Variants in ARHGEF9 observed in about 807,000 individuals in gnomAD.
ARHGEF9 encodes rho guanine nucleotide exchange factor 9.
In ARHGEF9, 2 loss-of-function variants were observed where a neutral mutation model predicts 41.3. That is an observed-to-expected ratio of 0.05 (90% confidence interval 0.02 to 0.15). The LOEUF (loss-of-function observed/expected upper bound fraction) is 0.15. Ranked by LOEUF, ARHGEF9 falls within the 10% of genes least tolerant of loss-of-function variation. ARHGEF9 has a pLI of 1.00. For missense variants in ARHGEF9, 225 were observed against 424.7 expected, an observed-to-expected ratio of 0.53 and a Z score of 4.13; for synonymous variants, 160 against 154.4, an observed-to-expected ratio of 1.04 and a Z score of -0.27.
chrX:63,742,613 T>C (rs1216890784), intron 1 of ARHGEF9, among the ~76,000 whole-genome samples: 1 of 111,697 alleles, frequency 9.0e-6, no homozygotes, highest in African/African-American at 3.3e-5. Context: ...TCCAAATCAT[T>C]CTTCCCCATC....
At chrX:63,710,675 A>G (rs782594904) in intron 2 of ARHGEF9, among the ~76,000 whole-genome samples, 1 of 111,359 alleles carries the variant, frequency 9.0e-6, no homozygotes, top group Non-Finnish European at 1.9e-5. Flanking sequence ...AATAGAAGGG[A>G]ACTTTTCTCC....
chrX:63,778,970 T>C (rs782223200), intron 1 of ARHGEF9, among the ~76,000 whole-genome samples: 21 of 112,295 alleles, frequency 1.9e-4, no homozygotes, highest in African/African-American at 6.8e-4. Flanking sequence ...AAAGTACCTA[T>C]AAAAAGGCAC....
chrX:63,766,184 T>C (rs1454800281), intron 1 of ARHGEF9, among the ~76,000 whole-genome samples: 2 of 112,376 alleles, frequency 1.8e-5, no homozygotes, highest in Non-Finnish European at 3.7e-5. Flanking sequence ...GTCTGTTTTG[T>C]ACACACATCT....
intron 3 of ARHGEF9, among the ~76,000 whole-genome samples, chrX:63,704,757 C>T (rs1172092478): frequency 8.9e-6 from 1 of 112,394 alleles, no homozygotes; most frequent in Non-Finnish European, 1.9e-5. Flanking sequence ...TAAGGGGTAT[C>T]TTCAAGCCCA....
intron 1 of ARHGEF9, among the ~76,000 whole-genome samples, chrX:63,738,726 A>T (rs1174947672): frequency 3.6e-5 from 4 of 111,614 alleles, no homozygotes; most frequent in African/African-American, 6.5e-5. Context: ...AGATAGGAAA[A>T]TAATGCATCA....
intron 1 of ARHGEF9, among the ~76,000 whole-genome samples, chrX:63,762,370 G>T (rs1556450047): frequency 1.8e-5 from 2 of 111,432 alleles, no homozygotes; most frequent in African/African-American, 6.5e-5. Flanking sequence ...CAAGAAAGGA[G>T]GTAAGTATAG....
intron 1 of ARHGEF9, among the ~76,000 whole-genome samples, chrX:63,758,478 G>A (rs191317986): frequency 8.9e-6 from 1 of 112,677 alleles, no homozygotes; most frequent in African/African-American, 3.2e-5. Context: ...GCTCCTCGGC[G>A]CATTTAAGGC....
intron 1 of ARHGEF9, among the ~76,000 whole-genome samples, chrX:63,753,648 G>A (rs2055792716): frequency 9.2e-6 from 1 of 108,730 alleles, no homozygotes; most frequent in Non-Finnish European, 1.9e-5. Context: ...GTCCTCTCTT[G>A]CCAGTTCAAA....
At chrX:63,723,617 A>G (rs1269514977) in intron 2 of ARHGEF9, among the ~76,000 whole-genome samples, 1 of 112,315 alleles carries the variant, frequency 8.9e-6, no homozygotes, top group Non-Finnish European at 1.9e-5. Context: ...CCCTGGCATT[A>G]AAGAACTGTC....
chrX:63,663,943 G>A (rs1467740378), intron 7 of ARHGEF9, among the ~76,000 whole-genome samples: 1 of 112,189 alleles, frequency 8.9e-6, no homozygotes, highest in African/African-American at 3.2e-5. Flanking sequence ...CAGGTATATG[G>A]AGTTGGTAGC....
At chrX:63,719,014 G>C (rs1212176996) in intron 2 of ARHGEF9, among the ~76,000 whole-genome samples, 1 of 112,073 alleles carries the variant, frequency 8.9e-6, no homozygotes, top group Non-Finnish European at 1.9e-5. Flanking sequence ...TTAGCCAAAT[G>C]ATGTACTAGA....
At chrX:63,740,650 T>C (rs1228315417) in intron 1 of ARHGEF9, among the ~76,000 whole-genome samples, 1 of 111,689 alleles carries the variant, frequency 9.0e-6, no homozygotes, top group Non-Finnish European at 1.9e-5. Context: ...GAGGCTGTTA[T>C]AGTTAATAGT....
intron 1 of ARHGEF9, among the ~76,000 whole-genome samples, chrX:63,758,567 C>A (rs1556448350): frequency 1.8e-5 from 2 of 111,564 alleles, no homozygotes; most frequent in Non-Finnish European, 3.8e-5. Flanking sequence ...TACCAGTGCC[C>A]TCTCATTCTC....
At chrX:63,683,709 A>C (rs1341633911) in intron 4 of ARHGEF9, among the ~76,000 whole-genome samples, 2 of 111,533 alleles carry the variant, frequency 1.8e-5, no homozygotes, top group Admixed American at 1.9e-4. Flanking sequence ...ATAGTGAACT[A>C]ATTTTTGACA....
Position 63,636,396 on chromosome X carries a change from C to T in ARHGEF9, c.*1632G>A, listed in dbSNP as rs1556297611. On this transcript the variant is annotated 3_prime_UTR_variant, in exon 10 of 10. Transcript: ENST00000671741. The stretch of plus-strand genomic sequence containing the variant: ...CAGGTACTCCAACATCCATAGGAAG[C>T]CTGCCTCCTTGTGAAAGAAGTTAGA... The T allele has an allele frequency of 8.9e-6, 1 of 112,242 alleles. No individual in the cohort carries two copies. Among genetic ancestry groups the T allele is most frequent in the African/African-American group, 3.3e-5 (1 of 30,683 alleles). The allele number at this position is 112,242 out of a possible 1,213,427, so 9.3% of individuals were successfully genotyped here. A position where few individuals can be genotyped will look rare whatever the true frequency, so the allele number is the denominator to read the frequency against.
At chrX:63,764,273 A>G (rs1262899397) in intron 1 of ARHGEF9, among the ~76,000 whole-genome samples, 1 of 112,690 alleles carries the variant, frequency 8.9e-6, no homozygotes, top group East Asian at 2.8e-4. Flanking sequence ...ATGACATACC[A>G]TCTCATCGCC....
At chrX:63,644,535 C>T (rs2047864748) in intron 8 of ARHGEF9, among the ~76,000 whole-genome samples, 1 of 110,200 alleles carries the variant, frequency 9.1e-6, no homozygotes, top group South Asian at 3.8e-4. Context: ...AAAGGATATA[C>T]TTACTGTGGA....
At chrX:63,691,590 T>A (rs1556381508) in intron 4 of ARHGEF9, among the ~76,000 whole-genome samples, 1 of 111,368 alleles carries the variant, frequency 9.0e-6, no homozygotes, top group East Asian at 2.8e-4. Flanking sequence ...TAATTAATAT[T>A]AAATTAATAT....
At chrX:63,755,755 T>A (rs1444975173) in intron 1 of ARHGEF9, 3 of 562,650 alleles carry the variant, frequency 5.3e-6, no homozygotes, top group Admixed American at 8.9e-5. Context: ...ACCAGTGTTG[T>A]GGACAGAATC....
Sources: allele counts gnomAD v4.1 joint callset (sites outside exome capture counted in the v4.1 genomes callset), GRCh38; gene constraint gnomAD v4.1.1; transcripts MANE v1.5; gene names NCBI Gene and HGNC (gene_info 2026-07-23, HGNC 2026-07-21).